KCND2: variants seen among roughly 807,000 people sequenced by gnomAD.
KCND2 encodes potassium voltage-gated channel subfamily D member 2, also known as A-type voltage-gated potassium channel KCND2.
KCND2 carries 16 observed loss-of-function variants against 54.4 expected under a neutral mutation model. The ratio of observed to expected loss-of-function variants is 0.29; its 90% CI spans 0.20 to 0.45. The LOEUF is 0.45. KCND2 is among the 20% of genes least tolerant of loss of function. KCND2 has a pLI of 1.00. For synonymous variants in KCND2, 317 were observed against 310.7 expected (o/e 1.02, Z -0.21); for missense variants, 486 against 824.2 (o/e 0.59, Z 5.02).
At chr7:120,289,035 CAA>C (rs1383689298) in intron 1 of KCND2, among the ~76,000 whole-genome samples, 15 of 31,798 alleles carry the variant, frequency 4.7e-4, no homozygotes, top group Non-Finnish European at 1.3e-3. Flanking sequence ...GGCAGAGACA[CAA>C]ACACACACAC....
At chr7:120,294,601 A>G (rs1055898198) in intron 1 of KCND2, among the ~76,000 whole-genome samples, 1 of 151,920 alleles carries the variant, frequency 6.6e-6, no homozygotes, top group African/African-American at 2.4e-5. Flanking sequence ...GAGAACATAC[A>G]TATAGGTTCT....
intron 1 of KCND2, among the ~76,000 whole-genome samples, chr7:120,387,964 T>C (rs73433810): frequency 0.011 from 1,662 of 152,228 alleles, 34 homozygotes; most frequent in African/African-American, 0.038. Context: ...AAAACTCTGA[T>C]ACAATTTTGT....
chr7:120,558,227 G>C (rs890616074), intron 1 of KCND2, among the ~76,000 whole-genome samples: 5 of 152,150 alleles, frequency 3.3e-5, no homozygotes, highest in African/African-American at 1.2e-4. Flanking sequence ...ATAAGGTAAA[G>C]TTTTATTTCA....
intron 1 of KCND2, among the ~76,000 whole-genome samples, chr7:120,702,842 A>G (rs2116037468): frequency 6.6e-6 from 1 of 152,250 alleles, no homozygotes; most frequent in South Asian, 2.1e-4. Flanking sequence ...ACTAGGCATA[A>G]TACCTGAGTG....
chr7:120,695,358 A>T (rs897306362), intron 1 of KCND2, among the ~76,000 whole-genome samples: 2 of 152,150 alleles, frequency 1.3e-5, no homozygotes, highest in Non-Finnish European at 2.9e-5. Context: ...CCTTAATTAT[A>T]AGAAATATTT....
intron 1 of KCND2, among the ~76,000 whole-genome samples, chr7:120,297,117 T>G (rs1799522841): frequency 6.6e-6 from 1 of 152,080 alleles, no homozygotes; most frequent in African/African-American, 2.4e-5. Context: ...TATGTATCCA[T>G]TACCCACATC....
At chr7:120,693,084 C>G (rs1792291391) in intron 1 of KCND2, among the ~76,000 whole-genome samples, 1 of 152,140 alleles carries the variant, frequency 6.6e-6, no homozygotes, top group African/African-American at 2.4e-5. Flanking sequence ...GTTGTGATGT[C>G]CCTTATTCAA....
At chr7:120,357,146 C>T in intron 1 of KCND2, among the ~76,000 whole-genome samples, 1 of 151,976 alleles carries the variant, frequency 6.6e-6, no homozygotes, top group Admixed American at 6.6e-5. Context: ...TACTCAAAAT[C>T]ATCAAAATAA....
intron 1 of KCND2, among the ~76,000 whole-genome samples, chr7:120,711,609 C>T (rs764598879): frequency 7.9e-5 from 12 of 152,102 alleles, no homozygotes; most frequent in Non-Finnish European, 1.3e-4. Context: ...AGGATATACC[C>T]GTTCTTGTAA....
At chr7:120,431,984 A>G (rs1182294963) in intron 1 of KCND2, among the ~76,000 whole-genome samples, 1 of 152,238 alleles carries the variant, frequency 6.6e-6, no homozygotes, top group Non-Finnish European at 1.5e-5. Flanking sequence ...TCTAATTCCT[A>G]AAACAAGTAG....
chr7:120,643,041 G>A lies in KCND2; in HGVS notation c.1116-89862G>A, dbSNP rs1030884591. On this transcript the variant is annotated intron_variant, in intron 1 of 5. Coordinates refer to ENST00000331113, the MANE Select transcript of KCND2 (RefSeq NM_012281.3). ...ATTTGTCACAAACATCCTTCCAGAA[G>A]CAATGTTACTGAGCTTTACACAAGT... Among the ~76,000 whole-genome samples the A allele has an allele frequency of 7.9e-5, 12 of 152,264 alleles. No homozygotes were observed. The South Asian group carries it at 2.3e-3, about 29-fold the overall frequency.
chr7:120,509,718 A>G (rs1403741207), intron 1 of KCND2, among the ~76,000 whole-genome samples: 1 of 152,116 alleles, frequency 6.6e-6, no homozygotes, highest in Non-Finnish European at 1.5e-5. Flanking sequence ...GTTTACTTCA[A>G]TGCAACTGAA....
At chr7:120,372,612 A>G (rs1450912330) in intron 1 of KCND2, among the ~76,000 whole-genome samples, 2 of 151,930 alleles carry the variant, frequency 1.3e-5, no homozygotes, top group South Asian at 2.1e-4. Context: ...TCAGTTTTTT[A>G]TAAAGAACTA....
chr7:120,502,943 G>C (rs1319332915), intron 1 of KCND2, among the ~76,000 whole-genome samples: 1 of 152,012 alleles, frequency 6.6e-6, no homozygotes, highest in Non-Finnish European at 1.5e-5. Flanking sequence ...TTGTACCTCA[G>C]ATTTACTTTC....
intron 1 of KCND2, among the ~76,000 whole-genome samples, chr7:120,653,298 G>A (rs1219177487): frequency 6.7e-6 from 1 of 150,364 alleles, no homozygotes; most frequent in Non-Finnish European, 1.5e-5. Context: ...CACCCTTCTC[G>A]GCCTCCCAAA....
At chr7:120,299,468 C>T (rs1182576243) in intron 1 of KCND2, among the ~76,000 whole-genome samples, 2 of 152,114 alleles carry the variant, frequency 1.3e-5, no homozygotes, top group South Asian at 2.1e-4. Flanking sequence ...AATAGTCGCT[C>T]ATTTCCAAGC....
chr7:120,548,367 C>G (rs2116391946), intron 1 of KCND2, among the ~76,000 whole-genome samples: 1 of 152,164 alleles, frequency 6.6e-6, no homozygotes, highest in South Asian at 2.1e-4. Flanking sequence ...CCTTCTTTTC[C>G]TTCATCGGCT....
intron 1 of KCND2, among the ~76,000 whole-genome samples, chr7:120,524,206 G>A (rs769904772): frequency 1.3e-5 from 2 of 151,732 alleles, no homozygotes; most frequent in Non-Finnish European, 2.9e-5. Flanking sequence ...CTGCACTCCA[G>A]ACTGGGCGAC....
At chr7:120,663,463 C>T (rs533357746) in intron 1 of KCND2, among the ~76,000 whole-genome samples, 19 of 152,054 alleles carry the variant, frequency 1.2e-4, no homozygotes, top group African/African-American at 4.3e-4. Flanking sequence ...TAAATGAAAC[C>T]TTAAAAACTT....
Sources: allele counts gnomAD v4.1 joint callset (sites outside exome capture counted in the v4.1 genomes callset), GRCh38; gene constraint gnomAD v4.1.1; transcripts MANE v1.5; gene names NCBI Gene and HGNC (gene_info 2026-07-23, HGNC 2026-07-21).